EPHA6: variants seen among roughly 807,000 people sequenced by gnomAD.
The protein encoded by EPHA6 is ephrin type-A receptor 6.
In EPHA6, 50 loss-of-function variants were observed where a neutral mutation model predicts 112.0. The observed-to-expected ratio is 0.45, with a 90% CI of 0.36 to 0.56. The LOEUF is 0.56. EPHA6 is among the 20% of genes least tolerant of loss of function. The pLI is 0.00. For missense variants in EPHA6, 1,280 were observed against 1,417.4 expected (o/e 0.90, Z 1.56); for synonymous variants, 529 against 490.7 (o/e 1.08, Z -1.03).
chr3:96,897,988 C>T (rs984732683), intron 2 of EPHA6, among the ~76,000 whole-genome samples: 15 of 151,792 alleles, frequency 9.9e-5, no homozygotes, highest in African/African-American at 3.4e-4. Flanking sequence ...TCCCTCATTG[C>T]GTAATTTTAA....
intron 5 of EPHA6, among the ~76,000 whole-genome samples, chr3:97,365,291 T>C (rs1247486892): frequency 3.3e-5 from 5 of 152,202 alleles, no homozygotes; most frequent in Non-Finnish European, 7.3e-5. Flanking sequence ...AAGCAGTAGA[T>C]GAGCCTCGAG....
At chr3:97,132,657 T>G (rs2075661637) in intron 3 of EPHA6, among the ~76,000 whole-genome samples, 1 of 152,100 alleles carries the variant, frequency 6.6e-6, no homozygotes, top group Non-Finnish European at 1.5e-5. Context: ...TATTACCAGT[T>G]TTATTTTACA....
rs185020427 is a variant in EPHA6, at chr3:97,039,682, C to T, written c.1114+51689C>T. 5.5e-3 allele frequency among the ~76,000 whole-genome samples: 841 copies of T among 151,802 alleles called. 5 individuals are homozygous for T. The highest frequency in any genetic ancestry group is 8.8e-3 in the Non-Finnish European group (596 of 67,934). On this transcript the variant is annotated intron_variant, in intron 3 of 17. Transcript: ENST00000389672. ...ATTCTGGAGAAATAAGATGGTTTTT[C>T]AATGAATGTTTATGTAAAATTTACA...
intron 3 of EPHA6, among the ~76,000 whole-genome samples, chr3:97,032,846 C>A (rs542698382): frequency 6.6e-6 from 1 of 151,964 alleles, no homozygotes; most frequent in East Asian, 1.9e-4. Flanking sequence ...TCGGCTGAAT[C>A]GCAATATAAG....
chr3:97,373,736 T>G (rs1479055235), intron 5 of EPHA6, among the ~76,000 whole-genome samples: 5 of 152,158 alleles, frequency 3.3e-5, no homozygotes, highest in African/African-American at 9.6e-5. Context: ...TATCTTTTAT[T>G]GCTATCTTGC....
At position 96,987,605 on chromosome 3, in the gene EPHA6, C is replaced by T. The variant is rs200594682; in HGVS notation, c.726C>T (p.Ile242=). Reference sequence around the variant, plus strand: ...TCAAGCCAAACCAGTATACAAAGATCGACACAATTGCTGCTGATGAGAGTT... The same window carrying T: ...TCAAGCCAAACCAGTATACAAAGATTGACACAATTGCTGCTGATGAGAGTT... ...IKFKPNQYTK[I]DTIAADESFT... The change falls in exon 3 of 18, where the codon ATC becomes ATT. Residue 242 remains isoleucine (I), a synonymous_variant. Transcript: ENST00000389672. 1.4e-5 allele frequency: 22 copies of T among 1,613,382 alleles called. No individual in the cohort carries two copies. The East Asian group carries it at 3.1e-4, about 23-fold the overall frequency.
In EPHA6 at chr3:97,751,881, A is replaced by C. The variant is rs1309239342; in HGVS notation, c.*3180A>C. Among the ~76,000 whole-genome samples the C allele has an allele frequency of 6.6e-6, 1 of 152,106 alleles. No homozygotes were observed. Among genetic ancestry groups the C allele is most frequent in the Admixed American group, 6.5e-5 (1 of 15,276 alleles). On this transcript the variant is annotated 3_prime_UTR_variant, in exon 18 of 18. Transcript: ENST00000389672. ...ACCAGACAGTTAAAAAATCATTTTC[A>C]TTTTATTTCTAGATGGTCAATTTTG...
intron 5 of EPHA6, among the ~76,000 whole-genome samples, chr3:97,262,545 A>G (rs961706048): frequency 7.9e-5 from 12 of 152,138 alleles, no homozygotes; most frequent in African/African-American, 1.2e-4. Context: ...TGCCCAGTCA[A>G]TCTGGTGTTT....
intron 13 of EPHA6, among the ~76,000 whole-genome samples, chr3:97,611,913 C>T (rs2093723531): frequency 6.6e-6 from 1 of 151,874 alleles, no homozygotes; most frequent in Non-Finnish European, 1.5e-5. Context: ...CTTCCAACTG[C>T]TCTGAATGCT....
intron 10 of EPHA6, among the ~76,000 whole-genome samples, chr3:97,505,701 C>T (rs1414440796): frequency 6.6e-6 from 1 of 152,152 alleles, no homozygotes; most frequent in African/African-American, 2.4e-5. Flanking sequence ...TGGGCATATA[C>T]CCAGTAATGG....
chr3:97,722,621 G>C (rs1222884676), intron 15 of EPHA6, among the ~76,000 whole-genome samples: 1 of 151,890 alleles, frequency 6.6e-6, no homozygotes, highest in East Asian at 1.9e-4. Flanking sequence ...CTAATGGGAG[G>C]GAGATAGACT....
intron 3 of EPHA6, among the ~76,000 whole-genome samples, chr3:97,117,786 G>C (rs1385240447): frequency 4.0e-5 from 6 of 151,816 alleles, no homozygotes; most frequent in African/African-American, 1.4e-4. Flanking sequence ...AATCTCACAA[G>C]ATTTCTTACA....
intron 3 of EPHA6, among the ~76,000 whole-genome samples, chr3:97,211,612 C>A (rs146968017): frequency 2.0e-5 from 3 of 152,214 alleles, no homozygotes; most frequent in Non-Finnish European, 4.4e-5. Flanking sequence ...CTTATAAGGG[C>A]ACTAATCCCA....
chr3:97,497,565 C>T (rs1166521478), intron 10 of EPHA6, among the ~76,000 whole-genome samples: 4 of 152,040 alleles, frequency 2.6e-5, no homozygotes, highest in African/African-American at 7.3e-5. Context: ...GTCTGTCTTC[C>T]CTTTCTCTTT....
chr3:97,460,817 C>G (rs1399881162), intron 7 of EPHA6, among the ~76,000 whole-genome samples: 1 of 152,182 alleles, frequency 6.6e-6, no homozygotes, highest in Non-Finnish European at 1.5e-5. Flanking sequence ...CATGTCAAGT[C>G]AACAGCTGCA....
At chr3:96,880,777 C>T (rs1009161500) in intron 2 of EPHA6, among the ~76,000 whole-genome samples, 7 of 152,066 alleles carry the variant, frequency 4.6e-5, no homozygotes, top group South Asian at 2.1e-4. Flanking sequence ...TAAATTGAAT[C>T]GAACAATATA....
intron 5 of EPHA6, among the ~76,000 whole-genome samples, chr3:97,328,465 T>A (rs1054427440): frequency 2.0e-5 from 3 of 151,980 alleles, no homozygotes; most frequent in Non-Finnish European, 2.9e-5. Context: ...GGACATAATT[T>A]CATGTACCTA....
At chr3:97,168,611 C>T (rs1195653807) in intron 3 of EPHA6, among the ~76,000 whole-genome samples, 1 of 125,728 alleles carries the variant, frequency 8.0e-6, no homozygotes, top group African/African-American at 4.4e-5. Flanking sequence ...CTCTCTCTGT[C>T]TCTGTCTCTC....
chr3:97,620,355 C>T (rs529163644), intron 13 of EPHA6, among the ~76,000 whole-genome samples: 6 of 151,644 alleles, frequency 4.0e-5, no homozygotes, highest in South Asian at 4.2e-4. Context: ...GAGATAGGCA[C>T]GGCCAAAAAT....
Sources: gnomAD v4.1 joint callset for allele counts (sites outside exome capture counted in the v4.1 genomes callset) on GRCh38, gnomAD v4.1.1 for gene constraint, MANE v1.5 for transcripts, NCBI Gene and HGNC (gene_info 2026-07-23, HGNC 2026-07-21) for gene names.